Variants in SEM1 observed in about 807,000 individuals in gnomAD.
SEM1 encodes SEM1 26S proteasome subunit, also known as 26S proteasome complex subunit SEM1.
Under a neutral mutation model 12.7 loss-of-function variants are expected in SEM1, and 3 were observed. The ratio of observed to expected loss-of-function variants is 0.24; its 90% CI spans 0.11 to 0.61. The LOEUF is 0.61. Ranked by LOEUF, SEM1 falls within the 20% of genes least tolerant of loss-of-function variation. The probability of loss-of-function intolerance (pLI) is 0.88; values close to 1 mark genes in which losing one functional copy is unlikely to be tolerated. For synonymous variants in SEM1, 30 were observed against 27.8 expected, an observed-to-expected ratio of 1.08 and a Z score of -0.25; for missense variants, 59 against 81.3, an observed-to-expected ratio of 0.73 and a Z score of 1.06.
rs114240588 is a variant in SEM1, at chr7:96,531,455, C to G, written c.171-24757G>C. Among the ~76,000 whole-genome samples the G allele has an allele frequency of 8.4e-3, 1,250 of 148,916 alleles. 17 individuals are homozygous for G. Among genetic ancestry groups the G allele is most frequent in the African/African-American group, 0.029 (1,193 of 40,508 alleles). Reference sequence around the variant, plus strand: ...AAAAAAAAACAAACAAAAAGAAAAACTAGTCAGGCAGGGTGGTGTGCATCT... The same window carrying G: ...AAAAAAAAACAAACAAAAAGAAAAAGTAGTCAGGCAGGGTGGTGTGCATCT... On this transcript the variant is annotated intron_variant and NMD_transcript_variant, in intron 2 of 3. Transcript: ENST00000466986.
At chr7:96,707,136 G>A in intron 1 of SEM1, among the ~76,000 whole-genome samples, 1 of 152,172 alleles carries the variant, frequency 6.6e-6, no homozygotes, top group Non-Finnish European at 1.5e-5. Context: ...GTAGGTCTAG[G>A]TTTGAGGAAT....
At chr7:96,488,390 A>G (rs748010662) in intron 1 of SEM1, among the ~76,000 whole-genome samples, 8 of 152,212 alleles carry the variant, frequency 5.3e-5, no homozygotes, top group Non-Finnish European at 1.0e-4. Context: ...CTAAATCTAG[A>G]GCGAGTAAGA....
chr7:96,500,480 C>T (rs1050815660), upstream of SEM1, among the ~76,000 whole-genome samples: 5 of 152,154 alleles, frequency 3.3e-5, no homozygotes, highest in Admixed American at 1.3e-4. Flanking sequence ...AGTCGTCATA[C>T]ATTTTTTGGA....
intron 2 of SEM1, among the ~76,000 whole-genome samples, chr7:96,648,054 C>T (rs556808217): frequency 6.6e-6 from 1 of 152,224 alleles, no homozygotes; most frequent in South Asian, 2.1e-4. Context: ...AATATTCACA[C>T]AACACTGGCT....
intron 2 of SEM1, among the ~76,000 whole-genome samples, chr7:96,601,034 G>A (rs1807181751): frequency 6.6e-6 from 1 of 152,074 alleles, no homozygotes; most frequent in Non-Finnish European, 1.5e-5. Context: ...AGGATGAAGG[G>A]GCTGCTCTGC....
intron 2 of SEM1, among the ~76,000 whole-genome samples, chr7:96,599,432 A>T (rs979529229): frequency 6.6e-6 from 1 of 152,128 alleles, no homozygotes; most frequent in Non-Finnish European, 1.5e-5. Context: ...GGGTCACTCC[A>T]ACACTCCTCT....
At chr7:96,643,276 A>T (rs1808672781) in intron 2 of SEM1, among the ~76,000 whole-genome samples, 1 of 152,146 alleles carries the variant, frequency 6.6e-6, no homozygotes, top group Non-Finnish European at 1.5e-5. Context: ...TGCAAAGGGC[A>T]TGATCTCATT....
intron 2 of SEM1, among the ~76,000 whole-genome samples, chr7:96,641,646 A>G (rs530807011): frequency 6.6e-6 from 1 of 152,140 alleles, no homozygotes; most frequent in South Asian, 2.1e-4. Context: ...CAAACAAACA[A>G]TCAAATAATT....
intron 2 of SEM1, among the ~76,000 whole-genome samples, chr7:96,546,194 T>C (rs1805097838): frequency 6.6e-6 from 1 of 152,102 alleles, no homozygotes; most frequent in African/African-American, 2.4e-5. Context: ...CCAAGACTGA[T>C]CGGACACCTA....
intron 2 of SEM1, among the ~76,000 whole-genome samples, chr7:96,646,937 A>C (rs1808813265): frequency 6.6e-6 from 1 of 152,206 alleles, no homozygotes; most frequent in African/African-American, 2.4e-5. Context: ...GTTTTGAAGG[A>C]ATGTTTGCTC....
intron 2 of SEM1, among the ~76,000 whole-genome samples, chr7:96,523,418 C>T (rs557766529): frequency 6.6e-6 from 1 of 151,938 alleles, no homozygotes; most frequent in South Asian, 2.1e-4. Flanking sequence ...AGTCACAGTT[C>T]AAAGCATAAA....
In SEM1 at chr7:96,640,814, C is replaced by T. The variant is rs1024652429; in HGVS notation, c.171-18171G>A. Among the ~76,000 whole-genome samples, 3 of 151,586 alleles carry T rather than the reference C, an allele frequency of 2.0e-5. No individual in the cohort carries two copies. The highest frequency in any genetic ancestry group is 2.1e-4 in the South Asian group (1 of 4,810). On this transcript the variant is annotated intron_variant, in intron 2 of 2. Transcript: ENST00000417009. The surrounding 1 kb of genome is among the most constrained non-coding windows in gnomAD (Gnocchi z 4.0). ...TAAATGAGGGAGGCTATGCATGTGT[C>T]GGGGGAGGAGGAGGAGAGACCCCTA... is the stretch of plus-strand genomic sequence containing the variant.
chr7:96,704,008 C>CACACACAT (rs1790361202), intron 1 of SEM1, among the ~76,000 whole-genome samples: 1 of 146,256 alleles, frequency 6.8e-6, no homozygotes, highest in Non-Finnish European at 1.5e-5. Context: ...CACACACACA[C>CACACACAT]ACATACATAA....
chr7:96,555,034 G>C (rs1314091018), intron 2 of SEM1, among the ~76,000 whole-genome samples: 2 of 149,824 alleles, frequency 1.3e-5, no homozygotes, highest in African/African-American at 4.9e-5. Context: ...CTGTGGGATT[G>C]GTGGTGATAT....
chr7:96,484,373 A>G (rs1320719697), intron 3 of SEM1, among the ~76,000 whole-genome samples: 1 of 152,216 alleles, frequency 6.6e-6, no homozygotes, highest in Non-Finnish European at 1.5e-5. Flanking sequence ...TCAAAGGCAC[A>G]TCAAACTATG....
At chr7:96,622,354 C>G (rs1807921485), downstream of SEM1, 3 of 470,086 alleles carry the variant, frequency 6.4e-6, no homozygotes, top group East Asian at 9.6e-5. Flanking sequence ...GAAAAGATGC[C>G]TTATTTCAGA....
intron 2 of SEM1, among the ~76,000 whole-genome samples, chr7:96,533,774 T>C (rs1440880746): frequency 6.6e-6 from 1 of 152,068 alleles, no homozygotes; most frequent in Non-Finnish European, 1.5e-5. Flanking sequence ...GCCTTTTTCA[T>C]TGCATCATCA....
upstream of SEM1, among the ~76,000 whole-genome samples, chr7:96,498,260 A>AATAT (rs1345362574): frequency 1.3e-5 from 2 of 152,188 alleles, no homozygotes; most frequent in Non-Finnish European, 2.9e-5. Context: ...TTTGCAATAA[A>AATAT]ATATAATTTA....
chr7:96,492,944 A>G (rs1298016191), intron 1 of SEM1, among the ~76,000 whole-genome samples: 2 of 151,978 alleles, frequency 1.3e-5, no homozygotes, highest in African/African-American at 4.8e-5. Flanking sequence ...TGTATATTCA[A>G]AAGTAGGAAT....
Sources: allele counts gnomAD v4.1 joint callset (sites outside exome capture counted in the v4.1 genomes callset), GRCh38; gene constraint gnomAD v4.1.1; non-coding constraint Gnocchi (gnomAD v3.1); transcripts MANE v1.5; gene names NCBI Gene and HGNC (gene_info 2026-07-23, HGNC 2026-07-21).